The following CCSER1 variants were observed in gnomAD, a reference collection of about 807,000 sequenced individuals.
CCSER1 encodes serine-rich coiled-coil domain-containing protein 1.
A neutral mutation model predicts 82.0 loss-of-function variants in CCSER1; 41 were observed. That is an observed-to-expected ratio of 0.50 (90% confidence interval 0.39 to 0.65). The LOEUF is 0.65. CCSER1 is among the 30% of genes least tolerant of loss of function. The pLI, the probability that CCSER1 is intolerant of heterozygous loss-of-function variation, is 0.00. For missense variants in CCSER1, 1,119 were observed against 1,064.2 expected, an observed-to-expected ratio of 1.05 and a Z score of -0.72; for synonymous variants, 414 against 383.9, an observed-to-expected ratio of 1.08 and a Z score of -0.92.
At chr4:91,231,419 CAT>C (rs908206977) in intron 10 of CCSER1, among the ~76,000 whole-genome samples, 3 of 151,738 alleles carry the variant, frequency 2.0e-5, no homozygotes, top group African/African-American at 7.2e-5. Context: ...CACACATACA[CAT>C]ATGTTTTTTC....
chr4:90,612,148 A>G (rs557316165), intron 5 of CCSER1, among the ~76,000 whole-genome samples: 2 of 152,232 alleles, frequency 1.3e-5, no homozygotes, highest in East Asian at 3.9e-4. Context: ...TTAAAACAAC[A>G]ACAAAAAAAT....
At chr4:91,324,247 T>G (rs1263992142) in intron 10 of CCSER1, among the ~76,000 whole-genome samples, 2 of 152,284 alleles carry the variant, frequency 1.3e-5, no homozygotes, top group East Asian at 1.9e-4. Context: ...TATTCTTATA[T>G]TATTTAATAG....
intron 9 of CCSER1, among the ~76,000 whole-genome samples, chr4:90,989,056 AC>A (rs1736813129): frequency 6.6e-6 from 1 of 151,828 alleles, no homozygotes; most frequent in Non-Finnish European, 1.5e-5. Context: ...TGACATGGGA[AC>A]ATAAAAGTTT....
chr4:90,568,448 T>G (rs1279831131), intron 5 of CCSER1, among the ~76,000 whole-genome samples: 4 of 152,194 alleles, frequency 2.6e-5, no homozygotes, highest in Non-Finnish European at 5.9e-5. Context: ...TTTGACACAT[T>G]GTGTATTTTA....
intron 5 of CCSER1, among the ~76,000 whole-genome samples, chr4:90,501,197 A>G (rs1312997383): frequency 6.6e-6 from 1 of 152,194 alleles, no homozygotes; most frequent in African/African-American, 2.4e-5. Flanking sequence ...TGATGGTAAT[A>G]AATATATTTG....
At chr4:91,590,418 T>C (rs1408404743) in intron 10 of CCSER1, among the ~76,000 whole-genome samples, 1 of 152,152 alleles carries the variant, frequency 6.6e-6, no homozygotes, top group Non-Finnish European at 1.5e-5. Flanking sequence ...CTCTCTGTAG[T>C]AGAGTGTTTC....
At chr4:90,257,548 G>A (rs528722793) in intron 1 of CCSER1, among the ~76,000 whole-genome samples, 1 of 150,378 alleles carries the variant, frequency 6.6e-6, no homozygotes, top group Admixed American at 6.6e-5. Context: ...TAGATAGATA[G>A]ATAGATAGAT....
At chr4:90,878,343 T>C (rs1442486879) in intron 8 of CCSER1, among the ~76,000 whole-genome samples, 1 of 152,182 alleles carries the variant, frequency 6.6e-6, no homozygotes, top group Non-Finnish European at 1.5e-5. Flanking sequence ...CTATGTCTTA[T>C]TTTGGCCTTT....
intron 9 of CCSER1, among the ~76,000 whole-genome samples, chr4:91,002,611 T>C (rs1345421706): frequency 6.6e-6 from 1 of 152,198 alleles, no homozygotes. Flanking sequence ...TTTTTTTTAA[T>C]TTATGCTATC....
chr4:91,519,889 T>C (rs1473151367), intron 10 of CCSER1, among the ~76,000 whole-genome samples: 4 of 152,182 alleles, frequency 2.6e-5, no homozygotes, highest in Non-Finnish European at 5.9e-5. Flanking sequence ...TTTCTGTCTC[T>C]GAAAACAATG....
At chr4:91,286,580 A>T (rs1217779860) in intron 10 of CCSER1, among the ~76,000 whole-genome samples, 2 of 151,938 alleles carry the variant, frequency 1.3e-5, no homozygotes, top group East Asian at 3.9e-4. Flanking sequence ...ATGTGATATG[A>T]ATGGAGATCT....
intron 10 of CCSER1, among the ~76,000 whole-genome samples, chr4:91,497,226 C>G (rs1758971520): frequency 6.6e-6 from 1 of 151,350 alleles, no homozygotes; most frequent in African/African-American, 2.4e-5. Context: ...GAATAGTTAC[C>G]TCATGAAGCG....
At position 90,312,972 on chromosome 4, in the gene CCSER1, A is replaced by T; in HGVS notation, c.1434A>T (p.Lys478Asn). ...AGSSRMILKPKDGNIEEVNSL... is the reference protein window; with the variant it reads ...AGSSRMILKPNDGNIEEVNSL... ...GTAGCAGAATGATTTTGAAACCGAA[A>T]GATGGAAATATAGAAGAAGTTAATA... Residue 478 changes from lysine (K) to asparagine (N), a missense_variant, in exon 3 of 11, where the codon AAA becomes AAT. Physicochemically the swap from Lys to Asn is moderately conservative, Grantham distance 94 (BLOSUM62 0). Coordinates refer to ENST00000509176, the MANE Select transcript of CCSER1 (RefSeq NM_001145065.2). 3 of 1,602,174 alleles carry T rather than the reference A, an allele frequency of 1.9e-6. No homozygotes were observed. The South Asian group carries it at 3.4e-5, about 18-fold the overall frequency.
rs929709605 is a variant in CCSER1 at position 90,591,546 on chromosome 4, G to A, written c.1725-36479G>A. On this transcript the variant is annotated intron_variant, in intron 5 of 10. Coordinates refer to ENST00000509176, the MANE Select transcript of CCSER1 (RefSeq NM_001145065.2). ...AAGTTAAGAAACAACAGATGCTGGC[G>A]AGGCTGTGGAGAAATAGAAGCACTT... Among the ~76,000 whole-genome samples, 4 of 152,174 alleles carry A rather than the reference G, an allele frequency of 2.6e-5. No individual in the cohort carries two copies. The East Asian group carries it at 5.8e-4, about 22-fold the overall frequency.
chr4:90,698,695 A>C (rs1737442253), intron 6 of CCSER1, among the ~76,000 whole-genome samples: 1 of 152,158 alleles, frequency 6.6e-6, no homozygotes, highest in African/African-American at 2.4e-5. Flanking sequence ...CTGAGGTCTG[A>C]CTTGTTAGAG....
At chr4:90,253,187 T>C (rs1202561787) in intron 1 of CCSER1, among the ~76,000 whole-genome samples, 1 of 151,998 alleles carries the variant, frequency 6.6e-6, no homozygotes, top group East Asian at 1.9e-4. Context: ...ACAATATAAT[T>C]ATGTACATAT....
intron 10 of CCSER1, among the ~76,000 whole-genome samples, chr4:91,484,490 A>G (rs1758115266): frequency 6.6e-6 from 1 of 152,220 alleles, no homozygotes; most frequent in Non-Finnish European, 1.5e-5. Context: ...TCTATAGCAT[A>G]TTTGAAGAAT....
intron 5 of CCSER1, among the ~76,000 whole-genome samples, chr4:90,580,978 A>C (rs1049524130): frequency 6.6e-6 from 1 of 152,170 alleles, no homozygotes; most frequent in African/African-American, 2.4e-5. Context: ...AGACCTTTTT[A>C]CTTATACTTC....
intron 1 of CCSER1, among the ~76,000 whole-genome samples, chr4:90,170,321 T>C (rs1578305959): frequency 6.6e-6 from 1 of 151,972 alleles, no homozygotes. Context: ...ACAGATAATA[T>C]GTATATTGTT....
Sources: gnomAD v4.1 joint callset for allele counts (sites outside exome capture counted in the v4.1 genomes callset) on GRCh38, gnomAD v4.1.1 for gene constraint, MANE v1.5 for transcripts, NCBI Gene and HGNC (gene_info 2026-07-23, HGNC 2026-07-21) for gene names.